Variants in UROD observed in about 807,000 individuals in gnomAD.
UROD encodes uroporphyrinogen III decarboxylase.
In UROD, 34 loss-of-function variants were observed where a neutral mutation model predicts 47.1. The ratio of observed to expected loss-of-function variants is 0.72; its 90% CI spans 0.55 to 0.96. UROD has a LOEUF of 0.96. Among genes scored for constraint, UROD ranks in the 40% least tolerant of loss-of-function variants. The pLI is 0.00. For synonymous variants in UROD, 148 were observed against 175.8 expected, an observed-to-expected ratio of 0.84 and a Z score of 1.25; for missense variants, 381 against 471.8, an observed-to-expected ratio of 0.81 and a Z score of 1.78.
intron 7 of UROD, 34 bp from the exon 8 acceptor site, chr1:45,014,702 G>A (rs1301280489): frequency 1.2e-6 from 2 of 1,613,818 alleles, no homozygotes; most frequent in East Asian, 4.5e-5. Flanking sequence ...GTTGTAGCAA[G>A]GCCCTCTGTA....
intron 1 of UROD, chr1:45,012,560 C>G: frequency 1.6e-6 from 1 of 620,860 alleles, no homozygotes; most frequent in Non-Finnish European, 2.8e-6. Context: ...ATTTCTCAGC[C>G]CCTGAACCAG....
intron 6 of UROD, 153 bp from the exon 7 acceptor site, chr1:45,014,286 G>A: frequency 2.2e-6 from 3 of 1,358,682 alleles, no homozygotes; most frequent in South Asian, 2.4e-5. Flanking sequence ...GGGATCTGAG[G>A]AAAGTAAATT....
chr1:45,015,019 G>GC lies in UROD; in HGVS notation c.942+17dup, dbSNP rs1415482818. Reference sequence around the variant, plus strand: ...GTATGCATCTGAGGTAACAGCCAGGGCCCCTCTGTGTGTCTGTTACTGTGC... The same window carrying GC: ...GTATGCATCTGAGGTAACAGCCAGGGCCCCCTCTGTGTGTCTGTTACTGTGC... On this transcript the variant is annotated intron_variant, in intron 9 of 9. Coordinates refer to ENST00000246337, the MANE Select transcript of UROD (RefSeq NM_000374.5). 6.2e-7 allele frequency: 1 copy of GC among 1,613,088 alleles called. No individual in the cohort carries two copies. Among genetic ancestry groups the GC allele is most frequent in the Admixed American group, 1.7e-5 (1 of 60,018 alleles).
intron 1 of UROD, 83 bp downstream of exon 1, chr1:45,012,368 C>G (rs570139806): frequency 1.3e-6 from 2 of 1,596,786 alleles, no homozygotes; most frequent in East Asian, 2.2e-5. Context: ...CTCTACTCCC[C>G]TTTCCCCACC....
At chr1:45,015,027 G>C (rs1308843722) in intron 9 of UROD, 21 bp downstream of exon 9, 1 of 1,612,918 alleles carries the variant, frequency 6.2e-7, no homozygotes, top group Admixed American at 1.7e-5. Context: ...GGGCCCCTCT[G>C]TGTGTCTGTT....
chr1:45,014,465 A>AG lies in UROD; in HGVS notation c.666dup (p.His223AlafsTer17). ...CATTGCAGCTGTTTGAGTCCCATGC[A>AG]GGGCATCTTGGCCCACAGCTCTTCA... is the stretch of plus-strand genomic sequence containing the variant. On this transcript the variant is annotated frameshift_variant, in exon 7 of 10. Coordinates refer to ENST00000246337, the MANE Select transcript of UROD (RefSeq NM_000374.5). LOFTEE classifies it high-confidence loss of function. The AG allele has an allele frequency of 6.2e-7, 1 of 1,614,182 alleles. No individual in the cohort carries two copies. Among genetic ancestry groups the AG allele is most frequent in the Non-Finnish European group, 8.5e-7 (1 of 1,180,030 alleles).
chr1:45,014,945 G>A lies in UROD; in HGVS notation c.881G>A (p.Cys294Tyr). The stretch of plus-strand genomic sequence containing the variant: ...GGCGCTGGCTTTGCTTCCAGGGAGT[G>A]TGTGGGGAAGACGGTGACATTGCAG... ...WTVAPKKARE[C>Y]VGKTVTLQGN... The change falls in exon 9 of 10, where the codon TGT becomes TAT. Residue 294 changes from cysteine (C) to tyrosine (Y), a missense_variant. Coordinates refer to ENST00000246337, the MANE Select transcript of UROD (RefSeq NM_000374.5). The A allele has an allele frequency of 1.2e-6, 2 of 1,614,160 alleles. No homozygotes were observed. Among genetic ancestry groups the A allele is most frequent in the Non-Finnish European group, 1.7e-6 (2 of 1,180,014 alleles).
chr1:45,014,369 G>T, intron 6 of UROD, 70 bp from the exon 7 acceptor site: 1 of 1,611,388 alleles, frequency 6.2e-7, no homozygotes, highest in Non-Finnish European at 8.5e-7. Context: ...GAAAATTGAG[G>T]TGGATTTTGT....
At chr1:45,012,702 A>G in intron 1 of UROD, 4 of 1,032,270 alleles carry the variant, frequency 3.9e-6, no homozygotes, top group Non-Finnish European at 5.6e-6. Context: ...AGTGGAGGGA[A>G]GAGGCCCCAG....
In UROD at chr1:45,013,188, T is replaced by C. The variant is rs765472159; in HGVS notation, c.186T>C (p.Pro62=). The C allele has an allele frequency of 1.2e-6, 2 of 1,614,178 alleles. No homozygotes were observed. Among genetic ancestry groups the C allele is most frequent in the South Asian group, 2.2e-5 (2 of 91,082 alleles). ...ACTTTTTCAGCACGTGTCGCTCTCC[T>C]GAGGCCTGCTGTGAACTGACTCTGC... ...AQDFFSTCRS[P]EACCELTLQP... The change falls in exon 3 of 10, where the codon CCT becomes CCC. Residue 62 remains proline (P), a synonymous_variant. Coordinates refer to ENST00000246337, the MANE Select transcript of UROD (RefSeq NM_000374.5). This position sits in a 1 kb window ranked among gnomAD's most constrained non-coding sequence, Gnocchi z 4.2.
chr1:45,013,394 C>T lies in UROD; in HGVS notation c.276+40C>T, dbSNP rs770141885. On this transcript the variant is annotated intron_variant, in intron 4 of 9. Transcript: ENST00000246337. The surrounding 1 kb of genome is among the most constrained non-coding windows in gnomAD (Gnocchi z 4.2). ...CTGATCCTAGAATATAATCCAAGGA[C>T]GCCTTGAAAATCCTTCTATCAGTCC... is the stretch of plus-strand genomic sequence containing the variant. 1.9e-6 allele frequency: 3 copies of T among 1,613,084 alleles called. No individual in the cohort carries two copies. Among genetic ancestry groups the T allele is most frequent in the Non-Finnish European group, 2.5e-6 (3 of 1,179,042 alleles).
At chr1:45,012,364 TC>T (rs1644807271) in intron 1 of UROD, 79 bp downstream of exon 1, 5 of 1,598,392 alleles carry the variant, frequency 3.1e-6, no homozygotes. Flanking sequence ...ATCCCTCTAC[TC>T]CCCTTTCCCC....
At chr1:45,012,423 C>A (rs979551723) in intron 1 of UROD, 138 bp downstream of exon 1, 3 of 1,257,504 alleles carry the variant, frequency 2.4e-6, no homozygotes, top group African/African-American at 3.0e-5. Context: ...GATCCTGAAT[C>A]CTAAAACCAT....
chr1:45,014,556 G>A lies in UROD; in HGVS notation c.754G>A (p.Gly252Ser), dbSNP rs1644832887. ...AGTGAAGGCCAGGTTGCGGGAGGCA[G>A]GCCTGGCACCAGTGCCCATGGTGAG... is the stretch of plus-strand genomic sequence containing the variant. ...KQVKARLREA[G>S]LAPVPMIIFA... The change falls in exon 7 of 10, where the codon GGC (glycine) becomes AGC (serine). Residue 252 changes from glycine to serine, a missense_variant. By Grantham distance (56) the Gly-to-Ser change is moderately conservative. Transcript: ENST00000246337. 6.2e-7 allele frequency: 1 copy of A among 1,614,118 alleles called. No homozygotes were observed.
In UROD at chr1:45,012,895, C is replaced by G. The variant is rs775210041; in HGVS notation, c.21-12C>G. On this transcript the variant is annotated splice_polypyrimidine_tract_variant and intron_variant, in intron 1 of 9. Transcript: ENST00000246337. ...ATACTGACACCTACCCCCACCCCCA[C>G]CTGATCGCCAGACCTCAGGGTTTTC... 5 of 1,613,466 alleles carry G rather than the reference C, an allele frequency of 3.1e-6. No individual in the cohort carries two copies. Among genetic ancestry groups the G allele is most frequent in the Non-Finnish European group, 4.2e-6 (5 of 1,179,802 alleles).
rs754626542 is a variant in UROD, at chr1:45,014,750, G to A, written c.789G>A (p.Lys263=). 6.2e-7 allele frequency: 1 copy of A among 1,614,266 alleles called. No homozygotes were observed. ...CTTTTTTCTAGATCATCTTTGCTAAGGATGGGCATTTTGCCCTGGAGGAGC... is the reference window on the plus strand; with the variant it reads ...CTTTTTTCTAGATCATCTTTGCTAAAGATGGGCATTTTGCCCTGGAGGAGC... ...LAPVPMIIFA[K]DGHFALEELA... is the part of the protein sequence containing the mutation. The change falls in exon 8 of 10, where the codon AAG becomes AAA. Residue 263 remains lysine, a synonymous_variant. Coordinates refer to ENST00000246337, the MANE Select transcript of UROD (RefSeq NM_000374.5).
At chr1:45,014,201 C>G in intron 6 of UROD, 131 bp downstream of exon 6, 1 of 1,451,136 alleles carries the variant, frequency 6.9e-7, no homozygotes, top group South Asian at 1.2e-5. Flanking sequence ...AGTGATCTAG[C>G]GGAGCAGCCA....
intron 1 of UROD, chr1:45,012,630 T>G: frequency 3.1e-6 from 2 of 639,110 alleles, no homozygotes; most frequent in East Asian, 5.6e-5. Flanking sequence ...CTATCCTTAG[T>G]GGGCCTTCAT....
chr1:45,014,831 AG>A lies in UROD; in HGVS notation c.871del (p.Ala291ProfsTer9). On this transcript the variant is annotated frameshift_variant, in exon 8 of 10. Transcript: ENST00000246337. LOFTEE classifies it high-confidence loss of function. ...GLDWTVAPKK[A>X]RECVGKTVTL... ...TTGACTGGACAGTGGCCCCAAAGAA[AG>A]CCCGGTAAGCCATGGAAGGGTGAGG... 6.2e-7 allele frequency: 1 copy of A among 1,614,222 alleles called. No individual in the cohort carries two copies.
Sources: gnomAD v4.1 joint callset for allele counts on GRCh38, gnomAD v4.1.1 for gene constraint, Gnocchi (gnomAD v3.1) non-coding constraint, MANE v1.5 for transcripts, NCBI Gene and HGNC (gene_info 2026-07-23, HGNC 2026-07-21) for gene names.